Variants in SCIN observed in about 807,000 individuals in gnomAD.
The protein encoded by SCIN is scinderin.
In SCIN, 91 loss-of-function variants were observed where a neutral mutation model predicts 91.8. That is an observed-to-expected ratio of 0.99 (90% CI 0.84 to 1.18). The LOEUF is 1.18. Among genes scored for constraint, SCIN ranks in the 50% most tolerant of loss-of-function variants. SCIN has a pLI of 0.00. For missense variants in SCIN, 1,087 were observed against 863.9 expected, an observed-to-expected ratio of 1.26 and a Z score of -3.24; for synonymous variants, 367 against 312.6, an observed-to-expected ratio of 1.17 and a Z score of -1.84.
chr7:12,639,518 A>G (rs1783816139), intron 10 of SCIN, among the ~76,000 whole-genome samples: 2 of 152,232 alleles, frequency 1.3e-5, no homozygotes. Context: ...AACAAATGAA[A>G]ACAATGGGAG....
chr7:12,640,946 A>G (rs369666573), intron 11 of SCIN, among the ~76,000 whole-genome samples: 76 of 152,324 alleles, frequency 5.0e-4, no homozygotes, highest in African/African-American at 1.8e-3. Flanking sequence ...GACCAGAACC[A>G]TAACTGAACT....
At position 12,625,451 on chromosome 7, in the gene SCIN, T is replaced by C. The variant is rs867903578; in HGVS notation, c.892+309T>C. ...CTATTCTTTTTTTTTTTTTTTTTTT[T>C]CCGTCGCCCAGGCTGGAGTGCAGCC... On this transcript the variant is annotated intron_variant, in intron 6 of 15. Coordinates refer to ENST00000297029, the MANE Select transcript of SCIN (RefSeq NM_001112706.3). 7.5e-4 allele frequency among the ~76,000 whole-genome samples: 110 copies of C among 146,692 alleles called. 1 individual carries two copies. Among genetic ancestry groups the C allele is most frequent in the Admixed American group, 2.3e-3 (34 of 14,654 alleles).
At position 12,651,780 on chromosome 7, in the gene SCIN, G is replaced by C; in HGVS notation, c.1960-61G>C. ...ATGTGTGTGTGAAGCACTTTACATA[G>C]GGCCTAGCACTGAGTCAACATCCCA... On this transcript the variant is annotated intron_variant, in intron 14 of 15. Transcript: ENST00000297029. The surrounding 1 kb of genome is among the most constrained non-coding windows in gnomAD (Gnocchi z 5.9). The C allele has an allele frequency of 1.9e-6, 2 of 1,060,680 alleles. No homozygotes were observed. The highest frequency in any genetic ancestry group is 2.8e-6 in the Non-Finnish European group (2 of 706,648). 65.7% of individuals were successfully genotyped at this position (1,060,680 alleles called of 1,614,324 possible). A position where few individuals can be genotyped will look rare whatever the true frequency, so the allele number is the denominator to read the frequency against.
chr7:12,571,100 T>A, intron 1 of SCIN, 115 bp downstream of exon 1: 1 of 1,172,872 alleles, frequency 8.5e-7, no homozygotes, highest in Non-Finnish European at 1.2e-6. Flanking sequence ...AGCTAGCCAC[T>A]CGCGCCCCCA....
At chr7:12,576,163 C>T (rs952706567) in intron 1 of SCIN, among the ~76,000 whole-genome samples, 8 of 152,114 alleles carry the variant, frequency 5.3e-5, no homozygotes, top group African/African-American at 1.9e-4. Context: ...TAAAGCATCT[C>T]TCTTAAGGCA....
chr7:12,612,583 G>A (rs754674663), intron 4 of SCIN, among the ~76,000 whole-genome samples: 8 of 152,110 alleles, frequency 5.3e-5, no homozygotes, highest in African/African-American at 7.2e-5. Context: ...AAGTTGCGAC[G>A]CTCTCTAGAA....
intron 11 of SCIN, among the ~76,000 whole-genome samples, chr7:12,642,963 T>A (rs1783886231): frequency 6.6e-6 from 1 of 152,166 alleles, no homozygotes; most frequent in Admixed American, 6.5e-5. Context: ...TGTGCACGGA[T>A]TCTTCTGTGT....
At chr7:12,571,127 G>T in intron 1 of SCIN, 142 bp downstream of exon 1, 1 of 935,132 alleles carries the variant, frequency 1.1e-6, no homozygotes, top group Non-Finnish European at 1.5e-6. Context: ...TGCCCTTTGG[G>T]GCCGGCCACT....
chr7:12,580,989 G>C, intron 2 of SCIN, 71 bp from the exon 3 acceptor site: 1 of 1,470,428 alleles, frequency 6.8e-7, no homozygotes, highest in Non-Finnish European at 9.2e-7. Flanking sequence ...ATTGTGCTTT[G>C]CTTTGTCTAG....
chr7:12,601,011 C>A (rs1332348915), intron 3 of SCIN, among the ~76,000 whole-genome samples: 1 of 152,100 alleles, frequency 6.6e-6, no homozygotes, highest in Admixed American at 6.5e-5. Context: ...TAAAAAGAAG[C>A]AATAGAAGTG....
In SCIN at chr7:12,657,359, G is replaced by A. The variant is rs935033641; in HGVS notation, c.*4644G>A. 2 of 149,304 alleles carry A rather than the reference G, an allele frequency of 1.3e-5. No individual in the cohort carries two copies. Among genetic ancestry groups the A allele is most frequent in the African/African-American group, 4.9e-5 (2 of 40,856 alleles). 9.2% of individuals were successfully genotyped at this position (149,304 alleles called of 1,614,324 possible). A position where few individuals can be genotyped will look rare whatever the true frequency, so the allele number is the denominator to read the frequency against. On this transcript the variant is annotated 3_prime_UTR_variant, in exon 16 of 16. Coordinates refer to ENST00000297029, the MANE Select transcript of SCIN (RefSeq NM_001112706.3). The stretch of plus-strand genomic sequence containing the variant: ...AGTCTCCCCAGGAGCTGGGACTCTA[G>A]GTGCGTGCCACCACGCCCAGCTAAT...
At chr7:12,571,673 T>C in intron 1 of SCIN, 1 of 416,862 alleles carries the variant, frequency 2.4e-6, no homozygotes, top group Non-Finnish European at 4.8e-6. Context: ...TAGCTCTATA[T>C]GGGTATTTCA....
intron 4 of SCIN, among the ~76,000 whole-genome samples, chr7:12,612,634 A>T (rs1783217536): frequency 6.6e-6 from 1 of 152,128 alleles, no homozygotes; most frequent in Admixed American, 6.6e-5. Context: ...CCATGTATTG[A>T]TGGCTTACTG....
At position 12,652,578 on chromosome 7, in the gene SCIN, CT is replaced by C. The variant is rs745901480; in HGVS notation, c.2021-3del. ...TAACTGAATTTATATGTCTTTACAA[CT>C]TTTTTTAGCCAAAATGTACCTTGAG... On this transcript the variant is annotated splice_polypyrimidine_tract_variant and intron_variant, in intron 15 of 15. Transcript: ENST00000297029. 5.0e-6 allele frequency: 8 copies of C among 1,611,224 alleles called. No individual in the cohort carries two copies. The highest frequency in any genetic ancestry group is 2.7e-5 in the African/African-American group (2 of 74,712).
intron 3 of SCIN, among the ~76,000 whole-genome samples, chr7:12,588,650 T>C (rs992240258): frequency 4.6e-5 from 7 of 151,876 alleles, no homozygotes; most frequent in Non-Finnish European, 1.0e-4. Context: ...TATAGGAATT[T>C]ACAAGAGGGT....
intron 3 of SCIN, chr7:12,595,693 A>G (rs1021782773): frequency 3.3e-5 from 5 of 152,176 alleles, no homozygotes; most frequent in African/African-American, 1.2e-4. Flanking sequence ...AAAGTTTTTT[A>G]AAGTACTGGT....
At chr7:12,592,024 G>A (rs771723456) in intron 3 of SCIN, among the ~76,000 whole-genome samples, 5 of 152,166 alleles carry the variant, frequency 3.3e-5, no homozygotes, top group Non-Finnish European at 5.9e-5. Context: ...AGGAAGTAAG[G>A]TTTCGGGCTA....
intron 3 of SCIN, among the ~76,000 whole-genome samples, chr7:12,598,364 A>T (rs1269991982): frequency 6.6e-6 from 1 of 152,120 alleles, no homozygotes; most frequent in African/African-American, 2.4e-5. Context: ...TGAAGTAGTC[A>T]TAACTAACTA....
At chr7:12,628,463 T>C (rs1783575417) in intron 8 of SCIN, among the ~76,000 whole-genome samples, 1 of 152,152 alleles carries the variant, frequency 6.6e-6, no homozygotes, top group Non-Finnish European at 1.5e-5. Flanking sequence ...CATCCTCACA[T>C]GGTGGAAAAG....
Sources: allele counts gnomAD v4.1 joint callset (sites outside exome capture counted in the v4.1 genomes callset), GRCh38; gene constraint gnomAD v4.1.1; non-coding constraint Gnocchi (gnomAD v3.1); transcripts MANE v1.5; gene names NCBI Gene and HGNC (gene_info 2026-07-23, HGNC 2026-07-21).